Variants in NTN1 observed in about 807,000 individuals in gnomAD.
The protein encoded by NTN1 is netrin-1.
A neutral mutation model predicts 54.2 loss-of-function variants in NTN1; 11 were observed. The ratio of observed to expected loss-of-function variants is 0.20; its 90% CI spans 0.13 to 0.34. NTN1 has a LOEUF of 0.34. Among genes scored for constraint, NTN1 ranks in the 10% least tolerant of loss-of-function variants. NTN1 has a pLI of 1.00. For synonymous variants in NTN1, 371 were observed against 382.0 expected, an observed-to-expected ratio of 0.97 and a Z score of 0.33; for missense variants, 740 against 893.1, an observed-to-expected ratio of 0.83 and a Z score of 2.18.
At chr17:9,044,336 G>A (rs909042511) in intron 2 of NTN1, among the ~76,000 whole-genome samples, 4 of 151,838 alleles carry the variant, frequency 2.6e-5, no homozygotes, top group African/African-American at 9.7e-5. Context: ...CCAAGTTCAA[G>A]CTATTCTCCT....
chr17:9,101,809 A>G (rs559787425), intron 2 of NTN1, among the ~76,000 whole-genome samples: 2 of 152,164 alleles, frequency 1.3e-5, no homozygotes, highest in Admixed American at 1.3e-4. Flanking sequence ...CCTGAGTGAT[A>G]GAGGGAGACC....
At chr17:9,040,637 A>G (rs2091918432) in intron 2 of NTN1, among the ~76,000 whole-genome samples, 1 of 152,168 alleles carries the variant, frequency 6.6e-6, no homozygotes, top group South Asian at 2.1e-4. Flanking sequence ...ATATATAATA[A>G]TGGTAATGTA....
At chr17:9,218,780 C>T (rs534462342) in intron 5 of NTN1, among the ~76,000 whole-genome samples, 10 of 152,310 alleles carry the variant, frequency 6.6e-5, no homozygotes, top group South Asian at 4.1e-4. Context: ...CTCAAAGGCA[C>T]CCCCTCTGCC....
At chr17:9,073,141 C>T (rs531539154) in intron 2 of NTN1, among the ~76,000 whole-genome samples, 251 of 152,332 alleles carry the variant, frequency 1.6e-3, no homozygotes, top group African/African-American at 3.8e-3. Flanking sequence ...AGCGGAGGCC[C>T]GGCAAGGCCC....
intron 2 of NTN1, among the ~76,000 whole-genome samples, chr17:9,161,490 C>T (rs1049476208): frequency 1.3e-5 from 2 of 152,058 alleles, no homozygotes; most frequent in Non-Finnish European, 2.9e-5. Context: ...CTTAGAAATC[C>T]TGCTCTGGGC....
At chr17:9,151,854 A>T (rs758705519) in intron 2 of NTN1, among the ~76,000 whole-genome samples, 12 of 152,122 alleles carry the variant, frequency 7.9e-5, no homozygotes, top group Non-Finnish European at 1.5e-4. Context: ...TAGCAAGAGG[A>T]TTGTAAAATG....
chr17:9,090,090 A>G (rs2092104775), intron 2 of NTN1, among the ~76,000 whole-genome samples: 1 of 151,870 alleles, frequency 6.6e-6, no homozygotes. Context: ...TGAGTGGGGA[A>G]TGGTGTTGAC....
At chr17:9,195,880 A>C (rs1904620752) in intron 5 of NTN1, among the ~76,000 whole-genome samples, 2 of 152,214 alleles carry the variant, frequency 1.3e-5, no homozygotes, top group Admixed American at 1.3e-4. Context: ...CCAGACTTAA[A>C]GAAATAATAA....
chr17:9,086,311 G>A (rs1315048707), intron 2 of NTN1, among the ~76,000 whole-genome samples: 1 of 152,196 alleles, frequency 6.6e-6, no homozygotes, highest in Non-Finnish European at 1.5e-5. Flanking sequence ...GAGTCCAGCA[G>A]TTTGGGTAAC....
chr17:9,168,521 A>C (rs1333260477), intron 3 of NTN1, among the ~76,000 whole-genome samples: 4 of 145,346 alleles, frequency 2.8e-5, no homozygotes, highest in African/African-American at 1.0e-4. Flanking sequence ...AACGAGAGTG[A>C]AACGCCGTCT....
At chr17:9,184,068 G>A (rs2092426500) in intron 5 of NTN1, among the ~76,000 whole-genome samples, 2 of 152,198 alleles carry the variant, frequency 1.3e-5, no homozygotes, top group South Asian at 4.1e-4. Flanking sequence ...GGGGGAGCTT[G>A]CAAACCCATG....
At chr17:9,014,964 A>C in the NTN1 span, among the ~76,000 whole-genome samples, 1 of 152,182 alleles carries the variant, frequency 6.6e-6, no homozygotes, top group Non-Finnish European at 1.5e-5. Flanking sequence ...TCAGCAAATT[A>C]TTTCTCTGTG....
At chr17:9,129,733 GCT>G (rs1434784689) in intron 2 of NTN1, among the ~76,000 whole-genome samples, 1 of 152,138 alleles carries the variant, frequency 6.6e-6, no homozygotes, top group African/African-American at 2.4e-5. Flanking sequence ...AGAGTTCCAC[GCT>G]CTCTCTGGAC....
At chr17:9,167,413 G>A (rs536514757) in intron 3 of NTN1, among the ~76,000 whole-genome samples, 6 of 152,250 alleles carry the variant, frequency 3.9e-5, no homozygotes, top group African/African-American at 1.4e-4. Context: ...CAAACCATCT[G>A]TGATGGATAA....
At chr17:9,003,747 G>A in the NTN1 span, among the ~76,000 whole-genome samples, 1 of 152,242 alleles carries the variant, frequency 6.6e-6, no homozygotes, top group Non-Finnish European at 1.5e-5. The surrounding 1 kb of genome is among the most constrained non-coding windows in gnomAD (Gnocchi z 7.4). Context: ...TGGCGTTTCA[G>A]AATGGTCAGC....
At chr17:9,197,457 G>A (rs568310549) in intron 5 of NTN1, among the ~76,000 whole-genome samples, 3 of 152,086 alleles carry the variant, frequency 2.0e-5, no homozygotes, top group East Asian at 1.9e-4. Context: ...TCAGGAGTTC[G>A]AGACCAGCCT....
chr17:9,193,267 A>G (rs1376880610), intron 5 of NTN1, among the ~76,000 whole-genome samples: 3 of 152,160 alleles, frequency 2.0e-5, no homozygotes, highest in East Asian at 1.9e-4. Context: ...TATATTCTGA[A>G]TTAATGTGAT....
At position 9,219,723 on chromosome 17, in the gene NTN1, G is replaced by A. The variant is rs951153999; in HGVS notation, c.1412-1445G>A. Among the ~76,000 whole-genome samples the A allele has an allele frequency of 2.0e-5, 3 of 152,168 alleles. No individual in the cohort carries two copies. The highest frequency in any genetic ancestry group is 4.8e-5 in the African/African-American group (2 of 41,450). ...TGGGAGGCCTCTGCTTTCCTGCTTCGGCTTCCCCTTGTGCTCCCACACAAA... is the reference window on the plus strand; with the variant it reads ...TGGGAGGCCTCTGCTTTCCTGCTTCAGCTTCCCCTTGTGCTCCCACACAAA... On this transcript the variant is annotated intron_variant, in intron 5 of 6. Coordinates refer to ENST00000173229, the MANE Select transcript of NTN1 (RefSeq NM_004822.3). This position sits in a 1 kb window ranked among gnomAD's most constrained non-coding sequence, Gnocchi z 4.5.
intron 2 of NTN1, among the ~76,000 whole-genome samples, chr17:9,147,948 G>A (rs1455640924): frequency 1.3e-5 from 2 of 152,142 alleles, no homozygotes; most frequent in African/African-American, 4.8e-5. Flanking sequence ...CTTTGTTTGG[G>A]TACAGATTTG....
Sources: allele counts gnomAD v4.1 joint callset (sites outside exome capture counted in the v4.1 genomes callset), GRCh38; gene constraint gnomAD v4.1.1; non-coding constraint Gnocchi (gnomAD v3.1); transcripts MANE v1.5; gene names NCBI Gene and HGNC (gene_info 2026-07-23, HGNC 2026-07-21).